Variants in RAPGEF4 observed in about 807,000 individuals in gnomAD.
RAPGEF4 encodes the protein RAP guanine-nucleotide-exchange factor (GEF) 4.
In RAPGEF4, 66 loss-of-function variants were observed where a neutral mutation model predicts 147.9. That is an observed-to-expected ratio of 0.45 (90% CI 0.37 to 0.55). The LOEUF (loss-of-function observed/expected upper bound fraction) is 0.55. Among genes scored for constraint, RAPGEF4 ranks in the 20% least tolerant of loss-of-function variants. The probability of loss-of-function intolerance (pLI) is 0.00; values close to 1 mark genes in which losing one functional copy is unlikely to be tolerated. For missense variants in RAPGEF4, 1,071 were observed against 1,257.3 expected, an observed-to-expected ratio of 0.85 and a Z score of 2.24; for synonymous variants, 419 against 442.7, an observed-to-expected ratio of 0.95 and a Z score of 0.67.
At chr2:173,041,912 C>G (rs1420592631) in intron 29 of RAPGEF4, among the ~76,000 whole-genome samples, 2 of 152,186 alleles carry the variant, frequency 1.3e-5, no homozygotes, top group African/African-American at 4.8e-5. Flanking sequence ...ATAGTCTTCC[C>G]TAACCACCCT....
At chr2:172,850,445 A>G (rs1170252295) in intron 4 of RAPGEF4, among the ~76,000 whole-genome samples, 7 of 151,978 alleles carry the variant, frequency 4.6e-5, no homozygotes, top group African/African-American at 7.2e-5. Flanking sequence ...GTGAAACCCC[A>G]TCTCTACTAA....
chr2:173,012,924 T>C (rs1024673137), intron 17 of RAPGEF4, among the ~76,000 whole-genome samples: 2 of 152,214 alleles, frequency 1.3e-5, no homozygotes, highest in African/African-American at 4.8e-5. Flanking sequence ...CAGTTATAAA[T>C]GCATGCAAGC....
At chr2:172,962,265 T>C (rs1689372790) in intron 8 of RAPGEF4, among the ~76,000 whole-genome samples, 1 of 152,126 alleles carries the variant, frequency 6.6e-6, no homozygotes, top group South Asian at 2.1e-4. Flanking sequence ...CCATTTAGCC[T>C]AGACATGACC....
intron 4 of RAPGEF4, among the ~76,000 whole-genome samples, chr2:172,843,454 G>A (rs1190952058): frequency 6.6e-6 from 1 of 152,154 alleles, no homozygotes; most frequent in East Asian, 1.9e-4. Flanking sequence ...ATTGATTTAA[G>A]TGCATTTACA....
chr2:172,933,703 T>C (rs1223252754), intron 6 of RAPGEF4, among the ~76,000 whole-genome samples: 1 of 152,236 alleles, frequency 6.6e-6, no homozygotes, highest in Non-Finnish European at 1.5e-5. Flanking sequence ...TTATATGTTA[T>C]ATATTTAAGA....
chr2:172,859,512 G>A (rs750847737), intron 4 of RAPGEF4, among the ~76,000 whole-genome samples: 1 of 152,200 alleles, frequency 6.6e-6, no homozygotes, highest in African/African-American at 2.4e-5. Flanking sequence ...GTTGCAACAA[G>A]GTTAATAATG....
intron 3 of RAPGEF4, among the ~76,000 whole-genome samples, chr2:172,806,358 C>G (rs1205193908): frequency 6.6e-6 from 1 of 152,070 alleles, no homozygotes; most frequent in Admixed American, 6.5e-5. Flanking sequence ...AGTATTTACC[C>G]AATGCAACCC....
intron 1 of RAPGEF4, among the ~76,000 whole-genome samples, chr2:172,782,169 A>G (rs552808548): frequency 5.0e-4 from 76 of 152,320 alleles, no homozygotes; most frequent in Admixed American, 2.4e-3. Context: ...TCATTAACTC[A>G]TAAACTACTT....
intron 6 of RAPGEF4, among the ~76,000 whole-genome samples, chr2:172,942,786 C>A (rs1687299432): frequency 6.6e-6 from 1 of 152,070 alleles, no homozygotes; most frequent in Non-Finnish European, 1.5e-5. Context: ...CCTAACACAT[C>A]CAAAATGTTC....
intron 1 of RAPGEF4, among the ~76,000 whole-genome samples, chr2:172,752,684 C>A (rs548051856): frequency 2.0e-5 from 3 of 152,148 alleles, no homozygotes; most frequent in Admixed American, 6.5e-5. Flanking sequence ...AATAAGGGAG[C>A]CTTCTATTGA....
intron 3 of RAPGEF4, among the ~76,000 whole-genome samples, chr2:172,808,200 T>A (rs1485574314): frequency 1.3e-4 from 20 of 152,232 alleles, no homozygotes; most frequent in Admixed American, 1.3e-3. Flanking sequence ...TTTACTATAT[T>A]TACAATGAAA....
intron 1 of RAPGEF4, among the ~76,000 whole-genome samples, chr2:172,773,669 A>G (rs975737144): frequency 2.4e-5 from 2 of 83,736 alleles, no homozygotes; most frequent in African/African-American, 9.2e-5. Flanking sequence ...CATCCTACCC[A>G]ACAGCCTAAA....
intron 10 of RAPGEF4, among the ~76,000 whole-genome samples, chr2:172,972,427 G>A (rs192493941): frequency 8.7e-4 from 133 of 152,308 alleles, no homozygotes; most frequent in African/African-American, 3.2e-3. Flanking sequence ...CAGTTACGAA[G>A]TTCATCTCAA....
At chr2:172,741,938 G>T (rs866629432) in intron 1 of RAPGEF4, among the ~76,000 whole-genome samples, 1 of 152,186 alleles carries the variant, frequency 6.6e-6, no homozygotes, top group East Asian at 1.9e-4. Context: ...CTCCCAAAGT[G>T]CTGGGACTAT....
At chr2:173,045,171 A>G (rs1380892566) in intron 29 of RAPGEF4, among the ~76,000 whole-genome samples, 1 of 152,226 alleles carries the variant, frequency 6.6e-6, no homozygotes, top group Admixed American at 6.5e-5. Flanking sequence ...AGATGGTTTT[A>G]GTTTTTAAAA....
At chr2:172,738,771 C>G (rs1694040268) in intron 1 of RAPGEF4, among the ~76,000 whole-genome samples, 1 of 152,092 alleles carries the variant, frequency 6.6e-6, no homozygotes, top group Non-Finnish European at 1.5e-5. Flanking sequence ...CTGGGAAACA[C>G]AGTTCAAATA....
chr2:172,886,641 C>T (rs904710244), intron 4 of RAPGEF4, among the ~76,000 whole-genome samples: 2 of 151,846 alleles, frequency 1.3e-5, no homozygotes, highest in African/African-American at 2.4e-5. Context: ...TGTGGTACCC[C>T]CTTCTTTTAG....
chr2:173,018,587 T>G, intron 21 of RAPGEF4, 69 bp from the exon 22 acceptor site: 1 of 1,509,760 alleles, frequency 6.6e-7, no homozygotes, highest in Non-Finnish European at 9.0e-7. Context: ...GCCTAAACAT[T>G]TTTCATAACT....
chr2:172,939,237 A>G (rs1413824859), intron 6 of RAPGEF4, among the ~76,000 whole-genome samples: 2 of 152,226 alleles, frequency 1.3e-5, no homozygotes, highest in East Asian at 3.9e-4. Flanking sequence ...AGAAACTGCC[A>G]AACTGTCTTC....
Sources: gnomAD v4.1 joint callset for allele counts (sites outside exome capture counted in the v4.1 genomes callset) on GRCh38, gnomAD v4.1.1 for gene constraint, MANE v1.5 for transcripts, NCBI Gene and HGNC (gene_info 2026-07-23, HGNC 2026-07-21) for gene names.